Variants in RBM47 observed in about 807,000 individuals in gnomAD.
RBM47 encodes the protein RNA-binding protein 47.
A neutral mutation model predicts 47.1 loss-of-function variants in RBM47; 21 were observed. The ratio of observed to expected loss-of-function variants is 0.45; its 90% confidence interval spans 0.32 to 0.64. The LOEUF is 0.64. Ranked by LOEUF, RBM47 falls within the 30% of genes least tolerant of loss-of-function variation. RBM47 has a pLI of 0.05. For synonymous variants in RBM47, 375 were observed against 361.7 expected, an observed-to-expected ratio of 1.04 and a Z score of -0.42; for missense variants, 708 against 870.9, an observed-to-expected ratio of 0.81 and a Z score of 2.35.
intron 1 of RBM47, among the ~76,000 whole-genome samples, chr4:40,582,106 T>C (rs1733014952): frequency 6.6e-6 from 1 of 152,136 alleles, no homozygotes; most frequent in Admixed American, 6.6e-5. Flanking sequence ...ATCTCGAATC[T>C]TCATGTCTCA....
At position 40,623,322 on chromosome 4, in the gene RBM47, G is replaced by A. The variant is rs1214132759; in HGVS notation, c.-240+6074C>T. Among the ~76,000 whole-genome samples, 4 of 152,340 alleles carry A rather than the reference G, an allele frequency of 2.6e-5. No homozygotes were observed. In the East Asian group the frequency reaches 5.8e-4, roughly 22 times the overall value. On this transcript the variant is annotated intron_variant, in intron 1 of 6. Transcript: ENST00000295971. ...CTAACTTGTTATTGGATTTCTCTTT[G>A]CTCTGCAAATAGGATTTCACTAGAG...
chr4:40,439,043 T>A (rs1195376786), intron 3 of RBM47, 119 bp from the exon 4 acceptor site: 9 of 878,998 alleles, frequency 1.0e-5, no homozygotes, highest in Non-Finnish European at 1.5e-5. Context: ...GTGGTTTAAA[T>A]GAGAAATAGG....
intron 1 of RBM47, among the ~76,000 whole-genome samples, chr4:40,551,414 T>A (rs1242588133): frequency 6.6e-6 from 1 of 152,162 alleles, no homozygotes; most frequent in Non-Finnish European, 1.5e-5. Flanking sequence ...ACTCCGATTC[T>A]ACCATCTGTG....
intron 3 of RBM47, among the ~76,000 whole-genome samples, chr4:40,465,282 G>A (rs992138520): frequency 2.0e-5 from 3 of 152,180 alleles, no homozygotes; most frequent in African/African-American, 7.2e-5. Context: ...AGGTCAGGGT[G>A]AAGCTAATCT....
intron 1 of RBM47, among the ~76,000 whole-genome samples, chr4:40,545,967 G>A (rs1312124377): frequency 1.3e-5 from 2 of 151,972 alleles, no homozygotes; most frequent in Admixed American, 6.6e-5. Flanking sequence ...AATGAAGGGC[G>A]GCTATGATTA....
chr4:40,511,296 G>A (rs994774890), intron 2 of RBM47, among the ~76,000 whole-genome samples: 2 of 152,340 alleles, frequency 1.3e-5, no homozygotes. Context: ...ATTATGGCAT[G>A]TTGTGAAATG....
At chr4:40,546,517 T>A (rs1337226022) in intron 1 of RBM47, among the ~76,000 whole-genome samples, 1 of 152,126 alleles carries the variant, frequency 6.6e-6, no homozygotes, top group Non-Finnish European at 1.5e-5. Flanking sequence ...GTGACAAATG[T>A]CTCATTCCTG....
chr4:40,540,660 T>A lies in RBM47; in HGVS notation c.-155+3762A>T, dbSNP rs893122025. 4.0e-3 allele frequency among the ~76,000 whole-genome samples: 480 copies of A among 119,518 alleles called. 2 individuals carry two copies. The highest frequency in any genetic ancestry group is 0.01 in the Middle Eastern group (2 of 200). 78.4% of individuals were successfully genotyped at this position (119,518 alleles called of 152,430 possible). On this transcript the variant is annotated intron_variant, in intron 2 of 6. Transcript: ENST00000295971. ...TCTCAAAAAAAAAAAAAAATAATAA[T>A]AATAATAATAATAATAATAAATGGG...
intron 3 of RBM47, among the ~76,000 whole-genome samples, chr4:40,454,304 C>T (rs1307653260): frequency 6.6e-6 from 1 of 152,134 alleles, no homozygotes. Flanking sequence ...GGTAAACTAA[C>T]TATTTAAAAT....
intron 2 of RBM47, among the ~76,000 whole-genome samples, chr4:40,497,763 C>T (rs554489178): frequency 2.9e-4 from 44 of 150,684 alleles, no homozygotes; most frequent in African/African-American, 1.0e-3. Flanking sequence ...AGCTTGAACC[C>T]AGGAGTTCAA....
At chr4:40,595,799 G>A (rs768711331) in intron 1 of RBM47, among the ~76,000 whole-genome samples, 76 of 152,102 alleles carry the variant, frequency 5.0e-4, no homozygotes, top group Non-Finnish European at 9.4e-4. Context: ...CAGCTACTTG[G>A]GAGGCTGAGG....
chr4:40,438,330 G>C lies in RBM47; in HGVS notation c.564C>G (p.Ala188=), dbSNP rs761477728. ...CGAAGCCGCGGTTCTTCATCTTGTC[G>C]GCCGCGCTGGCGTAGACGATCACGT... ...VLDVIVYASA[A]DKMKNRGFAF... The change falls in exon 4 of 7, where the codon GCC becomes GCG. Residue 188 remains alanine, a synonymous_variant. Coordinates refer to ENST00000295971, the MANE Select transcript of RBM47 (RefSeq NM_001098634.2). 6 of 1,609,024 alleles carry C rather than the reference G, an allele frequency of 3.7e-6. No homozygotes were observed. In the African/African-American group the frequency reaches 8.0e-5, roughly 21 times the overall value.
intron 6 of RBM47, among the ~76,000 whole-genome samples, chr4:40,430,867 G>A (rs981128931): frequency 6.6e-6 from 1 of 152,012 alleles, no homozygotes; most frequent in Admixed American, 6.6e-5. Context: ...TGGGAGGATC[G>A]CTTGAGCCCA....
intron 2 of RBM47, among the ~76,000 whole-genome samples, chr4:40,492,888 C>T (rs549109942): frequency 5.3e-5 from 8 of 152,110 alleles, no homozygotes; most frequent in Non-Finnish European, 8.8e-5. Flanking sequence ...GCCTCCCTTC[C>T]CAGCCTCAGC....
chr4:40,586,661 G>A (rs1015157519), intron 1 of RBM47, among the ~76,000 whole-genome samples: 3 of 151,034 alleles, frequency 2.0e-5, no homozygotes. Context: ...CCTGAGAACA[G>A]GCAGGCAGGG....
At position 40,467,583 on chromosome 4, in the gene RBM47, A is replaced by G. The variant is rs141681684; in HGVS notation, c.-154-884T>C. Among the ~76,000 whole-genome samples, 19 of 152,132 alleles carry G rather than the reference A, an allele frequency of 1.2e-4. No homozygotes were observed. In the East Asian group the frequency reaches 3.7e-3, roughly 29 times the overall value. On this transcript the variant is annotated intron_variant, in intron 2 of 6. Coordinates refer to ENST00000295971, the MANE Select transcript of RBM47 (RefSeq NM_001098634.2). ...CAGGATTACAGGTTTGAGCCACTGT[A>G]CTCGGCAGAGTCAAGACTCTTTTGA...
chr4:40,487,538 A>G (rs7655537), intron 2 of RBM47, among the ~76,000 whole-genome samples: 4,528 of 152,128 alleles, frequency 0.03, 145 homozygotes, highest in African/African-American at 0.078. Context: ...TGATCCACCC[A>G]CCTTGGCCTC....
chr4:40,559,252 G>A (rs1730385849), intron 1 of RBM47, among the ~76,000 whole-genome samples: 1 of 152,168 alleles, frequency 6.6e-6, no homozygotes, highest in Non-Finnish European at 1.5e-5. Context: ...GCAAATAGAA[G>A]GAGAGAGCCT....
At chr4:40,592,308 G>A (rs1365261164) in intron 1 of RBM47, among the ~76,000 whole-genome samples, 17 of 149,648 alleles carry the variant, frequency 1.1e-4, no homozygotes, top group Admixed American at 1.0e-3. Flanking sequence ...AGGCTAGAGT[G>A]CAGTGGTGCA....
Sources: allele counts gnomAD v4.1 joint callset (sites outside exome capture counted in the v4.1 genomes callset), GRCh38; gene constraint gnomAD v4.1.1; transcripts MANE v1.5; gene names NCBI Gene and HGNC (gene_info 2026-07-23, HGNC 2026-07-21).